Variants in LRRTM4 observed in about 807,000 individuals in gnomAD.
LRRTM4 encodes the protein leucine rich repeat transmembrane neuronal 4, also known as leucine-rich repeat transmembrane neuronal protein 4.
Under a neutral mutation model 47.6 loss-of-function variants are expected in LRRTM4, and 25 were observed. The ratio of observed to expected loss-of-function variants is 0.53; its 90% CI spans 0.38 to 0.73. The LOEUF is 0.73. LRRTM4 is among the 30% of genes least tolerant of loss of function. The probability of loss-of-function intolerance (pLI) is 0.00; values close to 1 mark genes in which losing one functional copy is unlikely to be tolerated. For synonymous variants in LRRTM4, 311 were observed against 269.5 expected, an observed-to-expected ratio of 1.15 and a Z score of -1.51; for missense variants, 638 against 713.4, an observed-to-expected ratio of 0.89 and a Z score of 1.20.
At chr2:76,925,079 G>T (rs1179650712) in intron 3 of LRRTM4, among the ~76,000 whole-genome samples, 1 of 152,034 alleles carries the variant, frequency 6.6e-6, no homozygotes, top group East Asian at 1.9e-4. Flanking sequence ...ACATTGTATG[G>T]CAAATGTAAG....
chr2:77,119,778 C>T (rs1287947208), intron 3 of LRRTM4, among the ~76,000 whole-genome samples: 2 of 151,814 alleles, frequency 1.3e-5, no homozygotes, highest in African/African-American at 4.8e-5. Context: ...TATATCACTA[C>T]ATATCACTAT....
At chr2:77,253,224 C>T (rs889321858) in intron 3 of LRRTM4, among the ~76,000 whole-genome samples, 1 of 152,132 alleles carries the variant, frequency 6.6e-6, no homozygotes, top group Non-Finnish European at 1.5e-5. Flanking sequence ...AATCAAACAG[C>T]CATACACTGA....
chr2:77,119,485 C>A (rs1671472338), intron 3 of LRRTM4, among the ~76,000 whole-genome samples: 1 of 151,772 alleles, frequency 6.6e-6, no homozygotes, highest in South Asian at 2.1e-4. Context: ...TCAACCCAAC[C>A]ACTGTCCCAG....
intron 3 of LRRTM4, among the ~76,000 whole-genome samples, chr2:77,362,166 A>AAAGAAAGAAAGG (rs1553434454): frequency 9.1e-6 from 1 of 110,376 alleles, no homozygotes; most frequent in Non-Finnish European, 1.7e-5. Context: ...AGAAAGAAAG[A>AAAGAAAGAAAGG]AAGAAAGGAA....
At chr2:76,758,977 A>G (rs1573058120) in intron 3 of LRRTM4, among the ~76,000 whole-genome samples, 2 of 152,288 alleles carry the variant, frequency 1.3e-5, no homozygotes, top group East Asian at 3.9e-4. Context: ...AAACTTTACA[A>G]ACAGTGACTT....
At chr2:76,962,645 G>A (rs1419355990) in intron 3 of LRRTM4, among the ~76,000 whole-genome samples, 1 of 150,034 alleles carries the variant, frequency 6.7e-6, no homozygotes, top group African/African-American at 2.4e-5. Flanking sequence ...AAATTTATAA[G>A]CAAATTCAGT....
chr2:77,472,004 T>C (rs12477579), intron 3 of LRRTM4, among the ~76,000 whole-genome samples: 76,085 of 151,990 alleles, frequency 0.5, 19,706 homozygotes, highest in South Asian at 0.6. Context: ...GAAAAATTTG[T>C]GTCACCTTCG....
At chr2:76,811,182 C>T (rs1184366308) in intron 3 of LRRTM4, among the ~76,000 whole-genome samples, 1 of 152,142 alleles carries the variant, frequency 6.6e-6, no homozygotes, top group Non-Finnish European at 1.5e-5. Flanking sequence ...GGCTTTGCTG[C>T]AAAAGGTTAT....
chr2:77,515,876 T>A (rs553973007), intron 3 of LRRTM4, among the ~76,000 whole-genome samples: 1 of 151,870 alleles, frequency 6.6e-6, no homozygotes, highest in Admixed American at 6.6e-5. Context: ...CCTATAACAA[T>A]TTCTAAGAGT....
chr2:76,997,420 C>G (rs918918339), intron 3 of LRRTM4, among the ~76,000 whole-genome samples: 1 of 146,486 alleles, frequency 6.8e-6, no homozygotes, highest in African/African-American at 2.5e-5. Flanking sequence ...TTCAGCATGA[C>G]TCAGTCCTCC....
At chr2:76,898,856 T>C (rs1015013713) in intron 3 of LRRTM4, among the ~76,000 whole-genome samples, 14 of 151,550 alleles carry the variant, frequency 9.2e-5, no homozygotes, top group African/African-American at 3.1e-4. Flanking sequence ...TATATATAGT[T>C]ATACTTTTAA....
At chr2:76,977,009 CTG>C (rs1032857466) in intron 3 of LRRTM4, among the ~76,000 whole-genome samples, 1 of 55,008 alleles carries the variant, frequency 1.8e-5, no homozygotes, top group Non-Finnish European at 2.8e-5. Flanking sequence ...CATTAATAGG[CTG>C]TGTGTGTTTG....
At chr2:76,904,685 G>A (rs993689370) in intron 3 of LRRTM4, among the ~76,000 whole-genome samples, 2 of 152,174 alleles carry the variant, frequency 1.3e-5, no homozygotes, top group Non-Finnish European at 2.9e-5. Flanking sequence ...AAGAACACTG[G>A]CTTTGAAGTC....
At chr2:77,515,955 TGACCC>T (rs1240998759) in intron 3 of LRRTM4, among the ~76,000 whole-genome samples, 1 of 151,854 alleles carries the variant, frequency 6.6e-6, no homozygotes, top group African/African-American at 2.4e-5. Flanking sequence ...AAAAATGGGG[TGACCC>T]CTGCAATGTT....
At chr2:77,470,590 C>G (rs144973872) in intron 3 of LRRTM4, among the ~76,000 whole-genome samples, 1 of 152,170 alleles carries the variant, frequency 6.6e-6, no homozygotes, top group Non-Finnish European at 1.5e-5. Flanking sequence ...AGTTTAGGTA[C>G]AAGCACAACC....
At chr2:77,390,682 T>C (rs1673467955) in intron 3 of LRRTM4, among the ~76,000 whole-genome samples, 1 of 151,414 alleles carries the variant, frequency 6.6e-6, no homozygotes, top group African/African-American at 2.4e-5. Context: ...TAAATAATAT[T>C]ATATATGATG....
At chr2:77,429,869 T>C (rs1558739724) in intron 3 of LRRTM4, among the ~76,000 whole-genome samples, 1 of 152,096 alleles carries the variant, frequency 6.6e-6, no homozygotes, top group Middle Eastern at 3.4e-3. Flanking sequence ...AGTTCGAGAC[T>C]AGCCTGACCA....
intron 3 of LRRTM4, among the ~76,000 whole-genome samples, chr2:76,879,487 C>T (rs1392801581): frequency 6.6e-6 from 1 of 152,130 alleles, no homozygotes; most frequent in African/African-American, 2.4e-5. Context: ...ATTTTAAGGC[C>T]ACTGATGAGA....
intron 3 of LRRTM4, chr2:77,516,965 G>A: frequency 1.0e-6 from 1 of 984,802 alleles, no homozygotes; most frequent in Non-Finnish European, 1.2e-6. Context: ...CATTAGAAAG[G>A]GCAACATCTT....
Sources: allele counts gnomAD v4.1 joint callset (sites outside exome capture counted in the v4.1 genomes callset), GRCh38; gene constraint gnomAD v4.1.1; transcripts MANE v1.5; gene names NCBI Gene and HGNC (gene_info 2026-07-23, HGNC 2026-07-21).